ZNF609: variants seen among roughly 807,000 people sequenced by gnomAD.
ZNF609 encodes zinc finger protein 609.
ZNF609 carries 11 observed loss-of-function variants against 109.5 expected under a neutral mutation model. The observed-to-expected ratio is 0.10, with a 90% CI of 0.06 to 0.17. The LOEUF is 0.17. ZNF609 is among the 10% of genes least tolerant of loss of function. The probability of loss-of-function intolerance (pLI) is 1.00; values close to 1 mark genes in which losing one functional copy is unlikely to be tolerated. For missense variants in ZNF609, 1,559 were observed against 1,772.4 expected (o/e 0.88, Z 2.16); for synonymous variants, 646 against 662.0 (o/e 0.98, Z 0.37).
chr15:64,547,573 T>A (rs1467943639), intron 2 of ZNF609, among the ~76,000 whole-genome samples: 1 of 152,080 alleles, frequency 6.6e-6, no homozygotes, highest in Non-Finnish European at 1.5e-5. Flanking sequence ...CTCTGGCTCA[T>A]AAGAAGTACT....
chr15:64,514,121 C>A (rs1893774392), intron 2 of ZNF609, among the ~76,000 whole-genome samples: 1 of 151,390 alleles, frequency 6.6e-6, no homozygotes, highest in East Asian at 1.9e-4. Context: ...GTTCAAATCT[C>A]CTATCTCTGG....
intron 2 of ZNF609, among the ~76,000 whole-genome samples, chr15:64,607,942 G>A (rs150454037): frequency 0.012 from 1,334 of 110,128 alleles, 27 homozygotes; most frequent in African/African-American, 0.046. Context: ...TCTGTTGCCC[G>A]GGCTAGAGTA....
chr15:64,665,517 C>T (rs1415714779), intron 3 of ZNF609, among the ~76,000 whole-genome samples: 3 of 152,080 alleles, frequency 2.0e-5, no homozygotes, highest in Non-Finnish European at 2.9e-5. Context: ...TTTAGGAAAC[C>T]AAGGCAGGAG....
chr15:64,512,004 C>T (rs1487380469), intron 2 of ZNF609, among the ~76,000 whole-genome samples: 1 of 151,286 alleles, frequency 6.6e-6, no homozygotes, highest in African/African-American at 2.4e-5. Context: ...TGAGCCACCG[C>T]ACCCTGCCTA....
chr15:64,604,537 C>T (rs538703364), intron 2 of ZNF609, among the ~76,000 whole-genome samples: 9 of 152,310 alleles, frequency 5.9e-5, no homozygotes, highest in Admixed American at 2.0e-4. Context: ...CCACAGGACT[C>T]TTGCCTTTGG....
intron 2 of ZNF609, among the ~76,000 whole-genome samples, chr15:64,578,347 C>T (rs1376052424): frequency 6.6e-6 from 1 of 151,938 alleles, no homozygotes; most frequent in African/African-American, 2.4e-5. Context: ...TTTGGAGTTG[C>T]TCCCTCTCAT....
chr15:64,525,138 C>A (rs1431063953), intron 2 of ZNF609, among the ~76,000 whole-genome samples: 1 of 152,030 alleles, frequency 6.6e-6, no homozygotes, highest in Non-Finnish European at 1.5e-5. Context: ...GATTCTTTGT[C>A]AATATTTTAA....
chr15:64,574,723 T>G (rs1450513560), intron 2 of ZNF609, among the ~76,000 whole-genome samples: 1 of 152,286 alleles, frequency 6.6e-6, no homozygotes, highest in South Asian at 2.1e-4. Context: ...CTCTTTGCCC[T>G]GATGCCCCCT....
At chr15:64,485,238 T>G (rs1218991577) in intron 1 of ZNF609, among the ~76,000 whole-genome samples, 2 of 151,638 alleles carry the variant, frequency 1.3e-5, no homozygotes, top group Non-Finnish European at 2.9e-5. Context: ...AAAAAAAAAA[T>G]TCAGCTTTTA....
At chr15:64,505,979 AAAT>A (rs1054776202) in intron 2 of ZNF609, among the ~76,000 whole-genome samples, 5 of 152,064 alleles carry the variant, frequency 3.3e-5, no homozygotes, top group African/African-American at 9.7e-5. Flanking sequence ...CGTCTCAAAA[AAAT>A]AATAATAATA....
chr15:64,670,928 G>A (rs547892792), intron 4 of ZNF609, among the ~76,000 whole-genome samples: 1 of 151,172 alleles, frequency 6.6e-6, no homozygotes, highest in Non-Finnish European at 1.5e-5. Flanking sequence ...GTGTTCGGGG[G>A]GCCGGGTACG....
chr15:64,484,581 C>A (rs569919296), intron 1 of ZNF609, among the ~76,000 whole-genome samples: 168 of 144,240 alleles, frequency 1.2e-3, no homozygotes, highest in Non-Finnish European at 2.0e-3. Context: ...GAGGCTGAGG[C>A]AGGAGAATCG....
intron 2 of ZNF609, among the ~76,000 whole-genome samples, chr15:64,583,324 C>T (rs1895143448): frequency 1.3e-5 from 2 of 151,092 alleles, no homozygotes; most frequent in East Asian, 2.0e-4. Flanking sequence ...GCCTGGGTGA[C>T]AGAGCAAGAG....
chr15:64,536,132 C>T (rs1387679609), intron 2 of ZNF609, among the ~76,000 whole-genome samples: 3 of 152,086 alleles, frequency 2.0e-5, no homozygotes, highest in Non-Finnish European at 4.4e-5. Flanking sequence ...GCTGTCCTCC[C>T]GCCTCAGCCT....
intron 2 of ZNF609, among the ~76,000 whole-genome samples, chr15:64,527,907 C>T (rs1804197920): frequency 6.6e-6 from 1 of 152,156 alleles, no homozygotes; most frequent in African/African-American, 2.4e-5. Context: ...TCTACTCTTA[C>T]CCCCTTTCTT....
At chr15:64,580,561 T>A (rs547921986) in intron 2 of ZNF609, among the ~76,000 whole-genome samples, 1 of 146,924 alleles carries the variant, frequency 6.8e-6, no homozygotes, top group African/African-American at 2.4e-5. Flanking sequence ...CTTTTCTTTT[T>A]TTTTTTTGAG....
chr15:64,559,882 G>A (rs192558353), intron 2 of ZNF609, among the ~76,000 whole-genome samples: 40 of 152,216 alleles, frequency 2.6e-4, no homozygotes, highest in Non-Finnish European at 4.3e-4. Context: ...AATAGTATCC[G>A]TAGCAATAAT....
intron 2 of ZNF609, among the ~76,000 whole-genome samples, chr15:64,550,841 A>G (rs1250074144): frequency 1.1e-5 from 1 of 94,122 alleles, no homozygotes; most frequent in Non-Finnish European, 1.9e-5. Flanking sequence ...TGTCTCGGGA[A>G]AAAAAAAAAA....
intron 8 of ZNF609, 112 bp from the exon 9 acceptor site, chr15:64,681,197 T>C: frequency 3.3e-6 from 3 of 918,218 alleles, no homozygotes; most frequent in Non-Finnish European, 5.1e-6. Context: ...CCAGCAAATA[T>C]ATCTGGCTGA....
Sources: gnomAD v4.1 joint callset for allele counts (sites outside exome capture counted in the v4.1 genomes callset) on GRCh38, gnomAD v4.1.1 for gene constraint, MANE v1.5 for transcripts, NCBI Gene and HGNC (gene_info 2026-07-23, HGNC 2026-07-21) for gene names.